The following EYS variants were observed in gnomAD, a reference collection of about 807,000 sequenced individuals.
The protein encoded by EYS is EGF-like photoreceptor maintenance factor, also known as protein eyes shut homolog.
EYS carries 250 observed loss-of-function variants against 282.1 expected under a neutral mutation model. That is an observed-to-expected ratio of 0.89 (90% confidence interval 0.80 to 0.98). EYS has a LOEUF of 0.98. EYS is among the 50% of genes least tolerant of loss of function. The pLI is 0.00. For synonymous variants in EYS, 1,355 were observed against 1,282.9 expected (o/e 1.06, Z -1.20); for missense variants, 4,016 against 3,709.0 (o/e 1.08, Z -2.15).
chr6:65,071,994 A>G (rs9445461), intron 12 of EYS, among the ~76,000 whole-genome samples: 1,800 of 151,918 alleles, frequency 0.012, 35 homozygotes, highest in African/African-American at 0.04. Context: ...CCTCCAGACT[A>G]TAAGATAATA....
chr6:64,831,885 G>T (rs1049156941), intron 19 of EYS, among the ~76,000 whole-genome samples: 2 of 151,898 alleles, frequency 1.3e-5, no homozygotes, highest in Non-Finnish European at 2.9e-5. Flanking sequence ...ATTGTTTTTA[G>T]ATCATTCTAA....
chr6:64,242,186 G>T (rs1766856724), intron 30 of EYS, among the ~76,000 whole-genome samples: 1 of 152,014 alleles, frequency 6.6e-6, no homozygotes. Flanking sequence ...AGGTCTGCTT[G>T]GTCCACAGCT....
At chr6:64,262,095 G>C (rs1468665455) in intron 30 of EYS, among the ~76,000 whole-genome samples, 1 of 151,968 alleles carries the variant, frequency 6.6e-6, no homozygotes, top group Non-Finnish European at 1.5e-5. Context: ...ATTTAGATGA[G>C]ATAAAATTGT....
intron 28 of EYS, among the ~76,000 whole-genome samples, chr6:64,412,932 G>C (rs975270537): frequency 3.3e-5 from 5 of 152,118 alleles, no homozygotes; most frequent in Admixed American, 2.6e-4. Flanking sequence ...TTTGGATGGA[G>C]AAGTGCTAAC....
At chr6:64,099,143 G>A (rs1378523403) in intron 31 of EYS, among the ~76,000 whole-genome samples, 1 of 151,986 alleles carries the variant, frequency 6.6e-6, no homozygotes, top group Non-Finnish European at 1.5e-5. Flanking sequence ...TGAATTCAAT[G>A]GCTCATTAAG....
At chr6:65,445,537 C>T (rs1312492545) in intron 5 of EYS, among the ~76,000 whole-genome samples, 1 of 151,462 alleles carries the variant, frequency 6.6e-6, no homozygotes, top group East Asian at 1.9e-4. Context: ...TGATTTCCTC[C>T]TTCATGTGAT....
At chr6:65,440,286 G>T (rs763491569) in intron 5 of EYS, among the ~76,000 whole-genome samples, 1 of 151,788 alleles carries the variant, frequency 6.6e-6, no homozygotes. Flanking sequence ...ATGAACAGGA[G>T]TGAGAAACAT....
At position 64,617,482 on chromosome 6, in the gene EYS, C is replaced by T. The variant is rs1767311165; in HGVS notation, c.3620G>A (p.Cys1207Tyr). 6.4e-7 allele frequency: 1 copy of T among 1,550,898 alleles called. No individual in the cohort carries two copies. The highest frequency in any genetic ancestry group is 1.4e-5 in the African/African-American group (1 of 72,984). ...ENELECIPNSCVHELCMENEP... is the reference protein window; with the variant it reads ...ENELECIPNSYVHELCMENEP... ...ATTCTCCATGCAGAGTTCATGAACA[C>T]ATGAGTTGGGAATGCACTCAAGCTC... Residue 1207 changes from cysteine to tyrosine, a missense_variant, in exon 24 of 43, where the codon TGT becomes TAT. Transcript: ENST00000503581.
chr6:65,504,115 CA>C (rs1306937193), intron 2 of EYS, among the ~76,000 whole-genome samples: 2 of 151,274 alleles, frequency 1.3e-5, no homozygotes, highest in Non-Finnish European at 3.0e-5. Flanking sequence ...TTATAATATT[CA>C]TTTAGGTTTT....
chr6:65,263,909 C>T (rs1242647981), intron 12 of EYS, among the ~76,000 whole-genome samples: 2 of 151,402 alleles, frequency 1.3e-5, no homozygotes, highest in African/African-American at 2.4e-5. Flanking sequence ...AAGACCCTGT[C>T]TCTCAATAAA....
intron 2 of EYS, among the ~76,000 whole-genome samples, chr6:65,571,717 T>G (rs1582469904): frequency 6.6e-6 from 1 of 152,184 alleles, no homozygotes; most frequent in South Asian, 2.1e-4. Flanking sequence ...CAAATGCTTT[T>G]GATAAAAATG....
intron 12 of EYS, among the ~76,000 whole-genome samples, chr6:65,184,981 A>T (rs971105206): frequency 9.9e-5 from 15 of 151,410 alleles, no homozygotes; most frequent in Admixed American, 9.9e-4. Flanking sequence ...TCTAGTATGT[A>T]ATAAAAATAA....
chr6:63,950,780 C>T (rs2149765207), intron 35 of EYS, among the ~76,000 whole-genome samples: 1 of 152,126 alleles, frequency 6.6e-6, no homozygotes, highest in South Asian at 2.1e-4. Flanking sequence ...ACCTCTCTAT[C>T]CCTCAACCTC....
chr6:64,783,642 A>T (rs1359672292), intron 22 of EYS, among the ~76,000 whole-genome samples: 1 of 152,138 alleles, frequency 6.6e-6, no homozygotes, highest in Non-Finnish European at 1.5e-5. Context: ...ATCAGAATTC[A>T]ATAATATTTC....
At chr6:63,780,112 G>A (rs1035068420) in intron 39 of EYS, among the ~76,000 whole-genome samples, 3 of 152,152 alleles carry the variant, frequency 2.0e-5, no homozygotes, top group East Asian at 1.9e-4. Flanking sequence ...ATTCCATGGT[G>A]TATATGTGCC....
At chr6:64,613,910 A>G (rs952627241) in intron 24 of EYS, among the ~76,000 whole-genome samples, 9 of 152,094 alleles carry the variant, frequency 5.9e-5, no homozygotes, top group Admixed American at 3.3e-4. Flanking sequence ...CTCAAGTGAA[A>G]CTATTTTACC....
intron 31 of EYS, among the ~76,000 whole-genome samples, chr6:64,192,668 AC>A (rs1432593102): frequency 6.6e-6 from 1 of 152,208 alleles, no homozygotes; most frequent in Non-Finnish European, 1.5e-5. Flanking sequence ...TACACCTTAT[AC>A]AAAAATCAAT....
chr6:63,843,995 T>A (rs924051817), intron 36 of EYS, among the ~76,000 whole-genome samples: 6 of 152,144 alleles, frequency 3.9e-5, no homozygotes, highest in African/African-American at 1.2e-4. Flanking sequence ...TTTTTCCTGA[T>A]GCTTTCCCTC....
chr6:64,517,727 T>G (rs931667277), intron 26 of EYS, among the ~76,000 whole-genome samples: 2 of 151,498 alleles, frequency 1.3e-5, no homozygotes, highest in Admixed American at 1.3e-4. Flanking sequence ...GCTCTCAGAA[T>G]AGAAAATAAA....
Sources: allele counts gnomAD v4.1 joint callset (sites outside exome capture counted in the v4.1 genomes callset), GRCh38; gene constraint gnomAD v4.1.1; transcripts MANE v1.5; gene names NCBI Gene and HGNC (gene_info 2026-07-23, HGNC 2026-07-21).